The following MIA2 variants were observed in gnomAD, a reference collection of about 807,000 sequenced individuals.
MIA2 encodes melanoma inhibitory activity protein 2.
MIA2 carries 127 observed loss-of-function variants against 167.8 expected under a neutral mutation model. The ratio of observed to expected loss-of-function variants is 0.76; its 90% CI spans 0.66 to 0.88. MIA2 has a LOEUF of 0.88. Ranked by LOEUF, MIA2 falls within the 40% of genes least tolerant of loss-of-function variation. The pLI is 0.00. For missense variants in MIA2, 1,690 were observed against 1,624.7 expected, an observed-to-expected ratio of 1.04 and a Z score of -0.69; for synonymous variants, 552 against 541.9, an observed-to-expected ratio of 1.02 and a Z score of -0.26.
chr14:39,348,680 A>G lies in MIA2; in HGVS notation c.3838-63A>G, dbSNP rs2073916848. The G allele has an allele frequency of 3.1e-6, 5 of 1,591,188 alleles. No individual in the cohort carries two copies. In the African/African-American group the frequency reaches 4.0e-5, roughly 13 times the overall value. Reference sequence around the variant, plus strand: ...CTAGATGATTTCTTCTAAGCCTGAGATTTTCGGGAAAATGATTGCAAATTT... The same window carrying G: ...CTAGATGATTTCTTCTAAGCCTGAGGTTTTCGGGAAAATGATTGCAAATTT... On this transcript the variant is annotated intron_variant, in intron 27 of 28. Transcript: ENST00000640607.
intron 14 of MIA2, among the ~76,000 whole-genome samples, chr14:39,301,791 A>C (rs1484614516): frequency 6.6e-6 from 1 of 152,212 alleles, no homozygotes; most frequent in African/African-American, 2.4e-5. Flanking sequence ...TTGGTGTCAC[A>C]CAGAATTTAC....
intron 3 of MIA2, among the ~76,000 whole-genome samples, chr14:39,246,528 G>A (rs1017461593): frequency 3.3e-5 from 5 of 152,136 alleles, no homozygotes; most frequent in Non-Finnish European, 7.4e-5. Context: ...GTTCAGCCTG[G>A]GCAACATAGC....
At chr14:39,288,446 TATATATA>T (rs1566746332) in intron 9 of MIA2, among the ~76,000 whole-genome samples, 9 of 28,114 alleles carry the variant, frequency 3.2e-4, no homozygotes, top group South Asian at 1.0e-3. Flanking sequence ...TATATATATA[TATATATA>T]TATATATATA....
chr14:39,387,085 T>C, exon 24 of MIA2: 4 of 618,100 alleles, frequency 6.5e-6, no homozygotes, highest in Non-Finnish European at 1.1e-5. Context: ...TTGGCCTAAC[T>C]GTCTCGGAGG....
At position 39,359,583 on chromosome 14, in the gene MIA2, C is replaced by A. The variant is rs113443237; in HGVS notation, c.2248+10606C>A. 8.5e-5 allele frequency among the ~76,000 whole-genome samples: 13 copies of A among 152,278 alleles called. 1 individual carries two copies. The highest frequency in any genetic ancestry group is 2.6e-4 in the African/African-American group (11 of 41,574). On this transcript the variant is annotated intron_variant, in intron 23 of 23. Transcript: ENST00000341502. The stretch of plus-strand genomic sequence containing the variant: ...TCTGCACCCACTGTCCGACAATCCC[C>A]AGTGAGATGAACCCGGTACCTCTAT...
intron 25 of MIA2, among the ~76,000 whole-genome samples, chr14:39,342,242 A>G (rs527275210): frequency 7.0e-6 from 1 of 143,056 alleles, no homozygotes; most frequent in Admixed American, 7.6e-5. Context: ...ATTCCCACCT[A>G]TGAGTGAGAA....
At chr14:39,296,237 G>A (rs1389184508) in intron 13 of MIA2, among the ~76,000 whole-genome samples, 5 of 152,102 alleles carry the variant, frequency 3.3e-5, no homozygotes, top group Admixed American at 2.6e-4. Flanking sequence ...AGGTATAGGA[G>A]ATAATTTTTT....
At position 39,287,819 on chromosome 14, in the gene MIA2, C is replaced by T. The variant is rs894564985; in HGVS notation, c.2131-3200C>T. Among the ~76,000 whole-genome samples, 21 of 152,126 alleles carry T rather than the reference C, an allele frequency of 1.4e-4. 1 individual carries two copies. Among genetic ancestry groups the T allele is most frequent in the Admixed American group, 9.2e-4 (14 of 15,294 alleles). On this transcript the variant is annotated intron_variant, in intron 9 of 28. Coordinates refer to ENST00000640607, the MANE Select transcript of MIA2 (RefSeq NM_001329214.4). ...CTCATGATCTGCCCGCCTCGGCCTC[C>T]CAAAGTGCTGGGATTACAGGCATGA...
At chr14:39,363,534 A>G (rs2074744666) in intron 23 of MIA2, among the ~76,000 whole-genome samples, 2 of 152,142 alleles carry the variant, frequency 1.3e-5, no homozygotes, top group African/African-American at 4.8e-5. Flanking sequence ...GTCTCAAATA[A>G]AAAAAATCTG....
rs1159864959 is a variant in MIA2, at chr14:39,348,868, GAGA to G, written c.3967_3969del (p.Arg1323del). 1.9e-6 allele frequency: 3 copies of G among 1,614,082 alleles called. No individual in the cohort carries two copies. The highest frequency in any genetic ancestry group is 2.5e-6 in the Non-Finnish European group (3 of 1,180,010). On this transcript the variant is annotated inframe_deletion, in exon 28 of 29. Coordinates refer to ENST00000640607, the MANE Select transcript of MIA2 (RefSeq NM_001329214.4). The stretch of plus-strand genomic sequence containing the variant: ...CAGTGGATGCAAGAGGCCCATTCTT[GAGA>G]AGAGGACCTCCTTTCCCCCCACCTC...
intron 10 of MIA2, among the ~76,000 whole-genome samples, 194 bp from the exon 11 acceptor site, chr14:39,293,077 A>G (rs1440570148): frequency 3.3e-5 from 5 of 152,214 alleles, no homozygotes; most frequent in African/African-American, 1.2e-4. Context: ...ACGAGCCTAA[A>G]ATATTTATTC....
rs2054378735 is a variant in MIA2, at chr14:39,247,788, ATGG to A, written c.1218_1220del (p.Gly407del). 6.2e-7 allele frequency: 1 copy of A among 1,613,522 alleles called. No individual in the cohort carries two copies. Among genetic ancestry groups the A allele is most frequent in the East Asian group, 2.2e-5 (1 of 44,864 alleles). On this transcript the variant is annotated inframe_deletion, in exon 4 of 29. Coordinates refer to ENST00000640607, the MANE Select transcript of MIA2 (RefSeq NM_001329214.4). ...TTAGATGACAGGAAAAATGAAGAAG[ATGG>A]TGGGGCAGATGAACATGAACATCCT...
chr14:39,272,193 A>G (rs1317085855), intron 6 of MIA2, among the ~76,000 whole-genome samples: 1 of 152,054 alleles, frequency 6.6e-6, no homozygotes, highest in Non-Finnish European at 1.5e-5. Flanking sequence ...TCTACTAAAG[A>G]TACAAAAAAT....
At position 39,303,727 on chromosome 14, in the gene MIA2, TAAAA is replaced by T. The variant is rs1169724141; in HGVS notation, c.2787+206_2787+209del. On this transcript the variant is annotated intron_variant, in intron 16 of 28. Transcript: ENST00000640607. ...ATATAATTTTTGGAATTTATCAAAA[TAAAA>T]AATTCCAAGTTCTGTACTCATTTTT... 2.0e-5 allele frequency among the ~76,000 whole-genome samples: 3 copies of T among 152,096 alleles called. No homozygotes were observed. The East Asian group carries it at 5.8e-4, about 29-fold the overall frequency.
chr14:39,234,273 C>A, intron 1 of MIA2, 44 bp downstream of exon 1: 2 of 1,240,460 alleles, frequency 1.6e-6, no homozygotes, highest in Non-Finnish European at 2.3e-6. Flanking sequence ...AATTGAGGCT[C>A]TGCAATGACA....
At chr14:39,386,122 T>G in intron 23 of MIA2, 1 of 1,302,450 alleles carries the variant, frequency 7.7e-7, no homozygotes, top group Non-Finnish European at 1.1e-6. Flanking sequence ...CAAGCATTGG[T>G]CATCTGACTC....
chr14:39,313,890 T>A (rs2064834237), intron 19 of MIA2, among the ~76,000 whole-genome samples: 1 of 152,194 alleles, frequency 6.6e-6, no homozygotes, highest in African/African-American at 2.4e-5. Flanking sequence ...TACCTTGGTT[T>A]GATCCTTACT....
chr14:39,376,598 G>A (rs763619626), intron 23 of MIA2, among the ~76,000 whole-genome samples: 5 of 152,200 alleles, frequency 3.3e-5, no homozygotes, highest in Non-Finnish European at 7.3e-5. Context: ...TAGGAAGAGA[G>A]TTTGTTTTTT....
At chr14:39,234,812 T>C (rs1490019879) in intron 1 of MIA2, among the ~76,000 whole-genome samples, 1 of 152,088 alleles carries the variant, frequency 6.6e-6, no homozygotes, top group African/African-American at 2.4e-5. Flanking sequence ...TTTATTTATA[T>C]CATTGAATAT....
Sources: gnomAD v4.1 joint callset for allele counts (sites outside exome capture counted in the v4.1 genomes callset) on GRCh38, gnomAD v4.1.1 for gene constraint, MANE v1.5 for transcripts, NCBI Gene and HGNC (gene_info 2026-07-23, HGNC 2026-07-21) for gene names.